The following TANGO6 variants were observed in gnomAD, a reference collection of about 807,000 sequenced individuals.
The protein encoded by TANGO6 is transport and Golgi organization protein 6 homolog.
Under a neutral mutation model 114.2 loss-of-function variants are expected in TANGO6, and 90 were observed. That is an observed-to-expected ratio of 0.79 (90% CI 0.66 to 0.94). The LOEUF is 0.94. Among genes scored for constraint, TANGO6 ranks in the 40% least tolerant of loss-of-function variants. The pLI is 0.00. For synonymous variants in TANGO6, 477 were observed against 509.8 expected (o/e 0.94, Z 0.87); for missense variants, 1,274 against 1,315.3 (o/e 0.97, Z 0.49).
intron 15 of TANGO6, among the ~76,000 whole-genome samples, chr16:68,990,484 T>A (rs560376113): frequency 6.6e-6 from 1 of 152,272 alleles, no homozygotes; most frequent in African/African-American, 2.4e-5. Flanking sequence ...TCCCACCAGC[T>A]CCATCCCACA....
At chr16:69,052,991 C>T (rs1959976655) in intron 17 of TANGO6, among the ~76,000 whole-genome samples, 1 of 151,926 alleles carries the variant, frequency 6.6e-6, no homozygotes. Context: ...GTCTATAATC[C>T]CAGCTACTCA....
chr16:68,911,415 CTTTTTTTTT>C (rs776375913), intron 11 of TANGO6, among the ~76,000 whole-genome samples: 1 of 133,622 alleles, frequency 7.5e-6, no homozygotes, highest in East Asian at 2.1e-4. Context: ...TTTATAGTTT[CTTTTTTTTT>C]TTTTTTTTTG....
At chr16:69,058,425 A>T (rs1052216677) in intron 17 of TANGO6, among the ~76,000 whole-genome samples, 48 of 152,218 alleles carry the variant, frequency 3.2e-4, no homozygotes, top group Non-Finnish European at 5.9e-5. Flanking sequence ...TGTGAGAGAC[A>T]TATGCTTATT....
At chr16:69,019,531 AC>A (rs1959365534) in intron 15 of TANGO6, among the ~76,000 whole-genome samples, 1 of 152,224 alleles carries the variant, frequency 6.6e-6, no homozygotes, top group African/African-American at 2.4e-5. Flanking sequence ...ACGAAAAAAA[AC>A]AAACTTCTTC....
At position 68,843,600 on chromosome 16, in the gene TANGO6, T is replaced by G; in HGVS notation, c.-18T>G. Reference sequence around the variant, plus strand: ...GAGGCGCCTGAGCGGGTCGCGAGCGTGGTGTTACACTCCAGTCATGGCGGC... The same window carrying G: ...GAGGCGCCTGAGCGGGTCGCGAGCGGGGTGTTACACTCCAGTCATGGCGGC... On this transcript the variant is annotated 5_prime_UTR_variant, in exon 1 of 18. Transcript: ENST00000261778. The G allele has an allele frequency of 6.2e-7, 1 of 1,610,388 alleles. No individual in the cohort carries two copies. Among genetic ancestry groups the G allele is most frequent in the East Asian group, 2.2e-5 (1 of 44,706 alleles).
At chr16:68,872,666 ATT>A (rs34193925) in intron 4 of TANGO6, among the ~76,000 whole-genome samples, 4,906 of 139,144 alleles carry the variant, frequency 0.035, 210 homozygotes, top group East Asian at 0.13. Context: ...ATGCCTGGTA[ATT>A]TTTTTTTTTT....
intron 7 of TANGO6, among the ~76,000 whole-genome samples, chr16:68,882,093 G>A (rs919291718): frequency 2.6e-5 from 4 of 151,942 alleles, no homozygotes; most frequent in Non-Finnish European, 5.9e-5. Context: ...ATATAAAAAG[G>A]TACAGCTGCT....
intron 15 of TANGO6, among the ~76,000 whole-genome samples, chr16:69,005,076 G>A (rs1420477559): frequency 6.6e-6 from 1 of 152,060 alleles, no homozygotes; most frequent in African/African-American, 2.4e-5. Flanking sequence ...GAGCATCTTG[G>A]GAGTGTCCAA....
chr16:69,012,277 T>C (rs251105), intron 15 of TANGO6, among the ~76,000 whole-genome samples: 85,339 of 151,856 alleles, frequency 0.56, 24,202 homozygotes, highest in Non-Finnish European at 0.6. Flanking sequence ...CCTGAGGAGG[T>C]TGGGCACGGT....
chr16:68,923,601 A>G (rs1963126438), intron 12 of TANGO6, among the ~76,000 whole-genome samples: 1 of 152,240 alleles, frequency 6.6e-6, no homozygotes, highest in Admixed American at 6.5e-5. Flanking sequence ...GCTGTTATAT[A>G]GAACTCCAAA....
intron 14 of TANGO6, among the ~76,000 whole-genome samples, chr16:68,960,380 C>G (rs910676530): frequency 6.6e-6 from 1 of 150,760 alleles, no homozygotes; most frequent in Admixed American, 6.6e-5. Context: ...GACTTCTGCT[C>G]TCTCACTCCT....
intron 7 of TANGO6, among the ~76,000 whole-genome samples, chr16:68,889,961 A>G (rs546102815): frequency 3.3e-5 from 5 of 152,246 alleles, no homozygotes; most frequent in Non-Finnish European, 7.3e-5. Flanking sequence ...AATACTTGCT[A>G]TATTAGGTAA....
chr16:69,018,486 A>T (rs539378861), intron 15 of TANGO6, among the ~76,000 whole-genome samples: 1 of 151,740 alleles, frequency 6.6e-6, no homozygotes, highest in Non-Finnish European at 1.5e-5. Context: ...GGAGTTACTC[A>T]TAGGTAACTC....
intron 15 of TANGO6, among the ~76,000 whole-genome samples, chr16:69,009,346 G>T (rs1344775595): frequency 6.6e-6 from 1 of 152,118 alleles, no homozygotes; most frequent in Non-Finnish European, 1.5e-5. Flanking sequence ...CTCCCAAAGT[G>T]CTGGGATTAC....
At chr16:68,936,579 C>A (rs1963301029) in intron 14 of TANGO6, among the ~76,000 whole-genome samples, 1 of 152,174 alleles carries the variant, frequency 6.6e-6, no homozygotes, top group Non-Finnish European at 1.5e-5. Flanking sequence ...AGGTGATCCA[C>A]CCGCCTCAGA....
chr16:68,907,397 G>A, intron 9 of TANGO6, 46 bp from the exon 10 acceptor site: 2 of 1,514,550 alleles, frequency 1.3e-6, no homozygotes, highest in Non-Finnish European at 1.8e-6. Context: ...AAAATTATGT[G>A]TATCTCTGGT....
At chr16:68,966,489 G>GCTCA (rs2152210660) in intron 14 of TANGO6, among the ~76,000 whole-genome samples, 1 of 151,916 alleles carries the variant, frequency 6.6e-6, no homozygotes, top group East Asian at 1.9e-4. Context: ...GGGCAACAAT[G>GCTCA]TGAGACTCCA....
Position 68,860,534 on chromosome 16 carries a change from C to T in TANGO6, c.735+10C>T. The T allele has an allele frequency of 6.2e-7, 1 of 1,607,790 alleles. No individual in the cohort carries two copies. The highest frequency in any genetic ancestry group is 8.5e-7 in the Non-Finnish European group (1 of 1,175,542). The stretch of plus-strand genomic sequence containing the variant: ...AACACCTGCAGAAGAGGTAAATATA[C>T]ATTGAGAAAGAGAGAGGGAGAGATT... On this transcript the variant is annotated intron_variant, in intron 2 of 17. Transcript: ENST00000261778.
chr16:68,987,017 C>T (rs910510443), intron 15 of TANGO6, among the ~76,000 whole-genome samples: 4 of 152,160 alleles, frequency 2.6e-5, no homozygotes, highest in Non-Finnish European at 5.9e-5. Flanking sequence ...TAGCAGGCTA[C>T]GGTGAGTTCC....
Sources: allele counts gnomAD v4.1 joint callset (sites outside exome capture counted in the v4.1 genomes callset), GRCh38; gene constraint gnomAD v4.1.1; transcripts MANE v1.5; gene names NCBI Gene and HGNC (gene_info 2026-07-23, HGNC 2026-07-21).